The following CNOT2 variants were observed in gnomAD, a reference collection of about 807,000 sequenced individuals.
The protein encoded by CNOT2 is CCR4-NOT transcription complex subunit 2, also known as CC chemokine receptor 4-negative regulator of transcription 2.
In CNOT2, 7 loss-of-function variants were observed where a neutral mutation model predicts 72.1. The observed-to-expected ratio is 0.10, with a 90% CI of 0.06 to 0.18. CNOT2 has a LOEUF of 0.18. CNOT2 is among the 10% of genes least tolerant of loss of function. The probability of loss-of-function intolerance (pLI) is 1.00; values close to 1 mark genes in which losing one functional copy is unlikely to be tolerated. For synonymous variants in CNOT2, 196 were observed against 225.6 expected, an observed-to-expected ratio of 0.87 and a Z score of 1.17; for missense variants, 345 against 660.3, an observed-to-expected ratio of 0.52 and a Z score of 5.23.
chr12:70,280,348 G>T (rs78540162), intron 2 of CNOT2, among the ~76,000 whole-genome samples: 14,520 of 152,146 alleles, frequency 0.095, 895 homozygotes, highest in Middle Eastern at 0.19. Flanking sequence ...TTCCATAGCA[G>T]AGTAGGGTGA....
At chr12:70,316,560 T>C (rs551439746) in intron 3 of CNOT2, among the ~76,000 whole-genome samples, 1 of 152,332 alleles carries the variant, frequency 6.6e-6, no homozygotes, top group African/African-American at 2.4e-5. Flanking sequence ...TATGTCTGTA[T>C]AGCTGATCGA....
chr12:70,307,307 G>A (rs74992482), intron 2 of CNOT2, among the ~76,000 whole-genome samples: 6,104 of 151,938 alleles, frequency 0.04, 285 homozygotes, highest in East Asian at 0.23. Context: ...ACTTAAACAC[G>A]TACAGCTGTA....
intron 1 of CNOT2, among the ~76,000 whole-genome samples, chr12:70,272,565 A>T (rs79898581): frequency 0.023 from 3,426 of 152,222 alleles, 80 homozygotes; most frequent in Admixed American, 0.047. Flanking sequence ...AGTAATCACT[A>T]TATTGCTTAT....
chr12:70,337,934 A>G, intron 9 of CNOT2: 1 of 307,812 alleles, frequency 3.2e-6, no homozygotes, highest in Non-Finnish European at 6.2e-6. Context: ...CATTTCACTG[A>G]AAATAGCTTT....
chr12:70,246,260 G>A (rs542531952), intron 1 of CNOT2, among the ~76,000 whole-genome samples: 1 of 152,152 alleles, frequency 6.6e-6, no homozygotes, highest in African/African-American at 2.4e-5. Context: ...ATTCTGTTGG[G>A]ATCACATATT....
chr12:70,330,760 TA>T (rs1879810461), intron 6 of CNOT2: 1 of 264,810 alleles, frequency 3.8e-6, no homozygotes, highest in South Asian at 8.9e-5. Context: ...CTTTATAAAA[TA>T]AGTTGATTAC....
At chr12:70,319,874 C>T (rs1016873740) in intron 4 of CNOT2, among the ~76,000 whole-genome samples, 1 of 151,608 alleles carries the variant, frequency 6.6e-6, no homozygotes, top group South Asian at 2.1e-4. Flanking sequence ...TTTTGACTCA[C>T]GGTTTAATGC....
chr12:70,289,827 T>C (rs767010716), intron 2 of CNOT2, among the ~76,000 whole-genome samples: 4 of 152,122 alleles, frequency 2.6e-5, no homozygotes, highest in Non-Finnish European at 5.9e-5. Flanking sequence ...TATTGAGTGT[T>C]GGTTTTTTTT....
intron 2 of CNOT2, among the ~76,000 whole-genome samples, chr12:70,282,980 T>C (rs1180492380): frequency 6.6e-6 from 1 of 152,210 alleles, no homozygotes; most frequent in African/African-American, 2.4e-5. Flanking sequence ...GTATTTAAAA[T>C]ACAAACTACT....
intron 15 of CNOT2, among the ~76,000 whole-genome samples, chr12:70,353,396 T>A (rs889290814): frequency 1.3e-5 from 2 of 152,120 alleles, no homozygotes; most frequent in Non-Finnish European, 2.9e-5. Context: ...TTAATATAAA[T>A]GTAATAAAGA....
intron 1 of CNOT2, among the ~76,000 whole-genome samples, chr12:70,262,186 A>G (rs886134339): frequency 1.3e-5 from 2 of 150,566 alleles, no homozygotes; most frequent in East Asian, 1.9e-4. Context: ...TCATTTTTTT[A>G]TTCTCTAGTT....
chr12:70,267,089 ATTACT>A lies in CNOT2; in HGVS notation c.-95-11039_-95-11035del, dbSNP rs941622756. Reference sequence around the variant, plus strand: ...ATTCTTTGTGTATTTTTTTTTAGAGATTACTTTAGGGATTACAATGCACATTCTTA... The same window carrying A: ...ATTCTTTGTGTATTTTTTTTTAGAGATTAGGGATTACAATGCACATTCTTA... On this transcript the variant is annotated intron_variant, in intron 1 of 15. Coordinates refer to ENST00000229195, the MANE Select transcript of CNOT2 (RefSeq NM_014515.7). 7.7e-4 allele frequency among the ~76,000 whole-genome samples: 116 copies of A among 151,126 alleles called. 1 individual carries two copies. Among genetic ancestry groups the A allele is most frequent in the African/African-American group, 2.6e-3 (108 of 41,178 alleles).
intron 2 of CNOT2, chr12:70,278,487 G>A (rs1396387769): frequency 4.6e-6 from 2 of 437,400 alleles, no homozygotes; most frequent in Non-Finnish European, 8.1e-6. Flanking sequence ...ATTTTTTAGT[G>A]TCAAATCAGG....
At chr12:70,278,325 A>G in intron 2 of CNOT2, 51 bp downstream of exon 2, 1 of 1,314,230 alleles carries the variant, frequency 7.6e-7, no homozygotes, top group African/African-American at 1.4e-5. Context: ...AGCTACATTG[A>G]AACTGTTCAA....
chr12:70,258,483 C>CT (rs1958563327), intron 1 of CNOT2, among the ~76,000 whole-genome samples: 1 of 152,074 alleles, frequency 6.6e-6, no homozygotes, highest in Admixed American at 6.6e-5. Context: ...TAGTATTTTG[C>CT]TTGTGGGAAG....
intron 2 of CNOT2, among the ~76,000 whole-genome samples, chr12:70,284,820 T>C (rs1381178165): frequency 1.3e-5 from 2 of 152,228 alleles, no homozygotes; most frequent in Admixed American, 1.3e-4. Context: ...CCAAGACACC[T>C]GGTTTATAGC....
intron 3 of CNOT2, among the ~76,000 whole-genome samples, chr12:70,318,170 C>G (rs142160759): frequency 6.6e-6 from 1 of 151,924 alleles, no homozygotes; most frequent in African/African-American, 2.4e-5. Flanking sequence ...TCCCAAAACC[C>G]ATTTTGATTG....
chr12:70,254,980 CAA>C (rs34311334), intron 1 of CNOT2, among the ~76,000 whole-genome samples: 28 of 110,788 alleles, frequency 2.5e-4, no homozygotes, highest in Non-Finnish European at 3.8e-4. Flanking sequence ...GACTGCATCT[CAA>C]AAAAAAAAAA....
At chr12:70,274,936 C>T (rs1940078934) in intron 1 of CNOT2, among the ~76,000 whole-genome samples, 1 of 152,016 alleles carries the variant, frequency 6.6e-6, no homozygotes, top group South Asian at 2.1e-4. Flanking sequence ...AAGGACATCA[C>T]GTCTTCACTG....
Sources: allele counts gnomAD v4.1 joint callset (sites outside exome capture counted in the v4.1 genomes callset), GRCh38; gene constraint gnomAD v4.1.1; transcripts MANE v1.5; gene names NCBI Gene and HGNC (gene_info 2026-07-23, HGNC 2026-07-21).